The following CASR variants were observed in gnomAD, a reference collection of about 807,000 sequenced individuals.
CASR encodes extracellular calcium-sensing receptor.
CASR carries 23 observed loss-of-function variants against 69.1 expected under a neutral mutation model. That is an observed-to-expected ratio of 0.33 (90% CI 0.24 to 0.47). The LOEUF is 0.47. Among genes scored for constraint, CASR ranks in the 20% least tolerant of loss-of-function variants. The pLI is 1.00. For synonymous variants in CASR, 541 were observed against 544.7 expected (o/e 0.99, Z 0.10); for missense variants, 924 against 1,356.1 (o/e 0.68, Z 5.00).
intron 1 of CASR, among the ~76,000 whole-genome samples, chr3:122,202,930 A>G (rs2073972116): frequency 6.6e-6 from 1 of 152,186 alleles, no homozygotes; most frequent in Non-Finnish European, 1.5e-5. Context: ...TCCTACCAAT[A>G]CACAGTACCA....
chr3:122,228,049 G>A (rs867713703), intron 1 of CASR, among the ~76,000 whole-genome samples: 10 of 152,170 alleles, frequency 6.6e-5, no homozygotes, highest in Non-Finnish European at 8.8e-5. Context: ...GAGCAGATTC[G>A]AATGGTCCAG....
At chr3:122,209,248 TA>T (rs34400100) in intron 1 of CASR, among the ~76,000 whole-genome samples, 3,219 of 151,740 alleles carry the variant, frequency 0.021, 115 homozygotes, top group African/African-American at 0.074. Context: ...ATCCTCACAC[TA>T]AAAAAAAGCC....
At position 122,291,401 on chromosome 3, in the gene CASR, G is replaced by A. The variant is rs533541794; in HGVS notation, c.*6210G>A. On this transcript the variant is annotated 3_prime_UTR_variant, in exon 7 of 7. Coordinates refer to ENST00000639785, the MANE Select transcript of CASR (RefSeq NM_000388.4). Reference sequence around the variant, plus strand: ...TCCTCTCCAGCACCTGTTGTTTCCTGACTTTTTAATGATCGCCATTCTAAC... The same window carrying A: ...TCCTCTCCAGCACCTGTTGTTTCCTAACTTTTTAATGATCGCCATTCTAAC... 1.2e-3 allele frequency: 178 copies of A among 151,742 alleles called. No homozygotes were observed. The highest frequency in any genetic ancestry group is 4.1e-3 in the African/African-American group (169 of 41,370). The allele number at this position is 151,742 out of a possible 1,614,324, so 9.4% of individuals were successfully genotyped here.
At chr3:122,263,018 G>C (rs1306539504) in intron 4 of CASR, among the ~76,000 whole-genome samples, 2 of 152,224 alleles carry the variant, frequency 1.3e-5, no homozygotes, top group African/African-American at 4.8e-5. Flanking sequence ...GAACTTAAGA[G>C]GAGTTCCCAC....
intron 3 of CASR, among the ~76,000 whole-genome samples, chr3:122,258,127 G>A (rs1404860892): frequency 6.6e-6 from 1 of 152,094 alleles, no homozygotes; most frequent in African/African-American, 2.4e-5. Flanking sequence ...ATAGAGCAAA[G>A]CATTTTTCAG....
At chr3:122,230,722 C>T (rs1204268892) in intron 1 of CASR, among the ~76,000 whole-genome samples, 2 of 152,146 alleles carry the variant, frequency 1.3e-5, no homozygotes, top group Admixed American at 6.5e-5. Context: ...CCACCAAGCC[C>T]GTGATACCAC....
chr3:122,215,703 G>A (rs1250596510), intron 1 of CASR, among the ~76,000 whole-genome samples: 1 of 152,206 alleles, frequency 6.6e-6, no homozygotes, highest in African/African-American at 2.4e-5. Context: ...ATAGGTCAGA[G>A]TTGCCAGGAG....
At chr3:122,226,286 C>T (rs976189351) in intron 1 of CASR, among the ~76,000 whole-genome samples, 8 of 152,106 alleles carry the variant, frequency 5.3e-5, no homozygotes, top group East Asian at 1.9e-4. Context: ...TGCAGACCTT[C>T]GCAGTGAGTG....
intron 2 of CASR, among the ~76,000 whole-genome samples, chr3:122,254,630 A>G (rs2074534934): frequency 6.6e-6 from 1 of 152,112 alleles, no homozygotes; most frequent in Non-Finnish European, 1.5e-5. Context: ...TCATTTGGTG[A>G]CCAAGTTATC....
intron 1 of CASR, among the ~76,000 whole-genome samples, chr3:122,206,680 A>T (rs757256571): frequency 6.6e-6 from 1 of 152,060 alleles, no homozygotes; most frequent in Admixed American, 6.5e-5. Context: ...CATTTGATGG[A>T]ATTCATCAGT....
chr3:122,285,298 G>A lies in CASR; in HGVS notation c.*107G>A. The A allele has an allele frequency of 9.8e-7, 1 of 1,019,144 alleles. No homozygotes were observed. Among genetic ancestry groups the A allele is most frequent in the Non-Finnish European group, 1.5e-6 (1 of 651,808 alleles). 63.1% of individuals were successfully genotyped at this position (1,019,144 alleles called of 1,614,324 possible). On this transcript the variant is annotated 3_prime_UTR_variant, in exon 7 of 7. Coordinates refer to ENST00000639785, the MANE Select transcript of CASR (RefSeq NM_000388.4). ...TTCCTCTGAGGAAGAAGGGATAATA[G>A]ACACATCAAATGCCCCGAATTTAGT...
chr3:122,187,679 G>A (rs1440519412), intron 1 of CASR, among the ~76,000 whole-genome samples: 1 of 152,194 alleles, frequency 6.6e-6, no homozygotes, highest in Admixed American at 6.5e-5. Flanking sequence ...TGAAAGATGA[G>A]GAGTGACACC....
intron 1 of CASR, among the ~76,000 whole-genome samples, chr3:122,224,446 C>G (rs2074203253): frequency 6.6e-6 from 1 of 152,100 alleles, no homozygotes; most frequent in East Asian, 1.9e-4. Flanking sequence ...CGTACAATAG[C>G]CGCAAAAAGA....
At chr3:122,252,394 G>GAAAGAAA in intron 1 of CASR, among the ~76,000 whole-genome samples, 1 of 6,352 alleles carries the variant, frequency 1.6e-4, no homozygotes, top group African/African-American at 5.8e-4. Flanking sequence ...AAGGAAGGAA[G>GAAAGAAA]GAAGGAAGGA....
At chr3:122,229,954 A>T (rs1027046940) in intron 1 of CASR, among the ~76,000 whole-genome samples, 2 of 152,222 alleles carry the variant, frequency 1.3e-5, no homozygotes, top group Non-Finnish European at 1.5e-5. Flanking sequence ...TCTACTGCTA[A>T]CACTGCTAGT....
At chr3:122,273,162 C>T (rs1431144862) in intron 4 of CASR, among the ~76,000 whole-genome samples, 1 of 152,214 alleles carries the variant, frequency 6.6e-6, no homozygotes, top group Non-Finnish European at 1.5e-5. Flanking sequence ...TAGAGCTTTA[C>T]CACAATATAT....
chr3:122,184,907 G>A (rs1343207957), intron 1 of CASR, among the ~76,000 whole-genome samples: 2 of 152,192 alleles, frequency 1.3e-5, no homozygotes, highest in Non-Finnish European at 2.9e-5. Context: ...TTTACAGAGT[G>A]TATGAATATG....
intron 1 of CASR, among the ~76,000 whole-genome samples, chr3:122,215,560 T>A (rs1481183534): frequency 6.6e-6 from 1 of 152,244 alleles, no homozygotes; most frequent in Non-Finnish European, 1.5e-5. Flanking sequence ...AAGGTTTTTT[T>A]AAAAGCACCT....
chr3:122,222,813 G>T (rs2074184818), intron 1 of CASR, among the ~76,000 whole-genome samples: 1 of 146,320 alleles, frequency 6.8e-6, no homozygotes, highest in Non-Finnish European at 1.5e-5. Context: ...CCACATGCTT[G>T]CCCATAAAGC....
Sources: gnomAD v4.1 joint callset for allele counts (sites outside exome capture counted in the v4.1 genomes callset) on GRCh38, gnomAD v4.1.1 for gene constraint, MANE v1.5 for transcripts, NCBI Gene and HGNC (gene_info 2026-07-23, HGNC 2026-07-21) for gene names.